Variants in ENPP3 observed in about 807,000 individuals in gnomAD.
ENPP3 encodes the protein ectonucleotide pyrophosphatase/phosphodiesterase 3.
ENPP3 carries 104 observed loss-of-function variants against 117.8 expected under a neutral mutation model. The observed-to-expected ratio is 0.88, with a 90% CI of 0.75 to 1.04. The LOEUF (loss-of-function observed/expected upper bound fraction) is 1.04. Ranked by LOEUF, ENPP3 falls within the 50% of genes least tolerant of loss-of-function variation. The probability of loss-of-function intolerance (pLI) is 0.00; values close to 1 mark genes in which losing one functional copy is unlikely to be tolerated. For synonymous variants in ENPP3, 380 were observed against 349.9 expected (o/e 1.09, Z -0.96); for missense variants, 1,026 against 1,051.9 (o/e 0.98, Z 0.34).
intron 23 of ENPP3, among the ~76,000 whole-genome samples, chr6:131,739,309 T>A (rs962303035): frequency 2.0e-5 from 3 of 152,070 alleles, no homozygotes; most frequent in Admixed American, 6.5e-5. Context: ...ATGTTCGTTA[T>A]CTGAAACCGA....
Position 131,650,050 on chromosome 6 carries a change from G to A in ENPP3, c.178G>A (p.Asp60Asn), listed in dbSNP as rs752869075. ...AGGCAGCTGCAGGAAGAAGTGCTTT[G>A]ATGCATCATTTAGAGGACTGGAGAA... is the stretch of plus-strand genomic sequence containing the variant. ...KQGSCRKKCFDASFRGLENCR... is the reference protein window; with the variant it reads ...KQGSCRKKCFNASFRGLENCR... The change falls in exon 3 of 25, where the codon GAT becomes AAT. Residue 60 changes from aspartate to asparagine, a missense_variant. Coordinates refer to ENST00000357639, the MANE Select transcript of ENPP3 (RefSeq NM_005021.5). 2.3e-5 allele frequency: 37 copies of A among 1,613,900 alleles called. No individual in the cohort carries two copies. The highest frequency in any genetic ancestry group is 2.9e-5 in the Non-Finnish European group (34 of 1,179,964).
Position 131,738,098 on chromosome 6 carries a change from G to C in ENPP3, c.2235G>C (p.Val745=), listed in dbSNP as rs762064393. Residue 745 remains valine (V), a synonymous_variant, in exon 23 of 25, where the codon GTG becomes GTC. Transcript: ENST00000357639. ...CCACAGAAAGAAATGGAGTAAATGT[G>C]GTTAGTGGACCAATATTTGATTATA... The part of the protein sequence containing the change: ...KHATERNGVN[V]VSGPIFDYNY... The C allele has an allele frequency of 1.9e-6, 3 of 1,604,466 alleles. No homozygotes were observed. The African/African-American group carries it at 4.0e-5, about 21-fold the overall frequency.
chr6:131,677,466 G>A (rs1314047059), intron 10 of ENPP3, among the ~76,000 whole-genome samples: 1 of 152,122 alleles, frequency 6.6e-6, no homozygotes, highest in Non-Finnish European at 1.5e-5. Flanking sequence ...ACAGATTGGA[G>A]TGAGGGAAGG....
At chr6:131,724,210 G>T in intron 19 of ENPP3, 119 bp downstream of exon 19, 1 of 526,518 alleles carries the variant, frequency 1.9e-6, no homozygotes, top group Non-Finnish European at 3.0e-6. Flanking sequence ...AGATTTTATT[G>T]CCAATATACA....
At chr6:131,640,984 G>T (rs930817354) in intron 1 of ENPP3, among the ~76,000 whole-genome samples, 1 of 152,010 alleles carries the variant, frequency 6.6e-6, no homozygotes, top group East Asian at 1.9e-4. Flanking sequence ...GTATTTTTAC[G>T]TATGTTAAAT....
intron 14 of ENPP3, among the ~76,000 whole-genome samples, chr6:131,692,744 G>A (rs1318232192): frequency 4.2e-5 from 6 of 143,698 alleles, no homozygotes; most frequent in Non-Finnish European, 9.0e-5. Flanking sequence ...TATTATATAT[G>A]ATATATGATA....
At chr6:131,691,315 G>A (rs1474991472) in intron 14 of ENPP3, among the ~76,000 whole-genome samples, 7 of 152,066 alleles carry the variant, frequency 4.6e-5, no homozygotes, top group Non-Finnish European at 8.8e-5. Flanking sequence ...ACGGCCGGGC[G>A]CGGTGGCTCA....
At chr6:131,692,299 A>G (rs988888078) in intron 14 of ENPP3, among the ~76,000 whole-genome samples, 2 of 152,070 alleles carry the variant, frequency 1.3e-5, no homozygotes, top group African/African-American at 4.8e-5. Flanking sequence ...ATAGATACCA[A>G]TGTGATTTGC....
chr6:131,696,004 T>C (rs1233627350), intron 15 of ENPP3, among the ~76,000 whole-genome samples: 2 of 152,180 alleles, frequency 1.3e-5, no homozygotes, highest in African/African-American at 4.8e-5. Context: ...TATTTTCTAG[T>C]GAAAGTACAT....
chr6:131,685,294 G>T, intron 12 of ENPP3, 70 bp from the exon 13 acceptor site: 1 of 1,304,276 alleles, frequency 7.7e-7, no homozygotes. Context: ...TCTTCTATTT[G>T]ACAAGACAGA....
At chr6:131,691,645 G>A (rs1373585227) in intron 14 of ENPP3, among the ~76,000 whole-genome samples, 2 of 151,406 alleles carry the variant, frequency 1.3e-5, no homozygotes, top group Non-Finnish European at 2.9e-5. Context: ...CAACTCTGTA[G>A]ACTTCATTCC....
At chr6:131,654,296 G>A (rs61130959) in intron 5 of ENPP3, among the ~76,000 whole-genome samples, 2 of 151,212 alleles carry the variant, frequency 1.3e-5, no homozygotes, top group Non-Finnish European at 2.9e-5. Flanking sequence ...ACCACATGCA[G>A]CTAAACATTT....
chr6:131,651,674 G>A (rs756035964), intron 3 of ENPP3, among the ~76,000 whole-genome samples: 3 of 152,152 alleles, frequency 2.0e-5, no homozygotes, highest in Admixed American at 6.5e-5. Context: ...GTGGGGGGGT[G>A]TCCAGTGGTT....
At chr6:131,675,554 G>A (rs1778848228) in intron 9 of ENPP3, among the ~76,000 whole-genome samples, 1 of 152,112 alleles carries the variant, frequency 6.6e-6, no homozygotes, top group South Asian at 2.1e-4. Flanking sequence ...CCAGCCAGGT[G>A]CGGTGGCTCA....
intron 2 of ENPP3, among the ~76,000 whole-genome samples, chr6:131,647,631 A>G (rs924857569): frequency 9.9e-5 from 15 of 152,190 alleles, no homozygotes; most frequent in African/African-American, 3.6e-4. Context: ...ACCTTTCTCC[A>G]TAACCTCCTC....
At chr6:131,718,381 A>G (rs535369425) in intron 15 of ENPP3, among the ~76,000 whole-genome samples, 3 of 152,248 alleles carry the variant, frequency 2.0e-5, no homozygotes, top group South Asian at 2.1e-4. Flanking sequence ...GTCAGTATCT[A>G]TCAGTCAGAG....
chr6:131,747,030 G>T lies in ENPP3; in HGVS notation c.*74G>T. On this transcript the variant is annotated 3_prime_UTR_variant, in exon 25 of 25. Transcript: ENST00000357639. The stretch of plus-strand genomic sequence containing the variant: ...GCAAAATATAAGTGATTTTTTTCTG[G>T]AGAATTGTAAAATAAAGTTTTCTAT... 1 of 759,470 alleles carries T rather than the reference G, an allele frequency of 1.3e-6. No individual in the cohort carries two copies. The highest frequency in any genetic ancestry group is 1.9e-5 in the African/African-American group (1 of 53,996). 47.0% of individuals were successfully genotyped at this position (759,470 alleles called of 1,614,324 possible).
At chr6:131,717,055 T>G (rs945378488) in intron 15 of ENPP3, among the ~76,000 whole-genome samples, 1 of 152,094 alleles carries the variant, frequency 6.6e-6, no homozygotes, top group African/African-American at 2.4e-5. Context: ...GGAAATGAAG[T>G]GACATCCTTA....
At chr6:131,693,122 C>T (rs984682668) in intron 14 of ENPP3, among the ~76,000 whole-genome samples, 1 of 145,760 alleles carries the variant, frequency 6.9e-6, no homozygotes, top group African/African-American at 2.5e-5. Flanking sequence ...GTTATATACA[C>T]ACACACACAC....
Sources: gnomAD v4.1 joint callset for allele counts (sites outside exome capture counted in the v4.1 genomes callset) on GRCh38, gnomAD v4.1.1 for gene constraint, MANE v1.5 for transcripts, NCBI Gene and HGNC (gene_info 2026-07-23, HGNC 2026-07-21) for gene names.